Variants in TTN observed in about 807,000 individuals in gnomAD.
TTN encodes the protein titin, also known as connectin.
A neutral mutation model predicts 3,223.0 loss-of-function variants in TTN; 1,525 were observed. The ratio of observed to expected loss-of-function variants is 0.47; its 90% CI spans 0.45 to 0.49. The LOEUF (loss-of-function observed/expected upper bound fraction) is 0.49. Among genes scored for constraint, TTN ranks in the 20% least tolerant of loss-of-function variants. The probability of loss-of-function intolerance (pLI) is 0.00; values close to 1 mark genes in which losing one functional copy is unlikely to be tolerated. For missense variants in TTN, 40,786 were observed against 43,424.0 expected (o/e 0.94, Z 5.40); for synonymous variants, 14,094 against 15,161.0 (o/e 0.93, Z 5.17).
chr2:178,685,638 T>C, intron 127 of TTN, 40 bp from the exon 128 acceptor site: 2 of 1,580,724 alleles, frequency 1.3e-6, no homozygotes, highest in Middle Eastern at 1.7e-4. Flanking sequence ...AATTACAGTG[T>C]TTTTCATGTT....
Position 178,612,919 on chromosome 2 carries a change from A to C in TTN, c.49802T>G (p.Val16601Gly), listed in dbSNP as rs1337504534. The change falls in exon 265 of 363, where the codon GTG becomes GGG. Residue 16601 changes from valine to glycine, a missense_variant. Val to Gly is a moderately radical substitution (Grantham distance 109, BLOSUM62 -3). Transcript: ENST00000589042. ...CTGAGTGGTGGGAACCCCTTCCGCC[A>C]CTCTGACCCACTCATCTGTTCCAGT... ...LKTGTDEWVR[V>G]AEGVPTTQHL... The C allele has an allele frequency of 6.2e-7, 1 of 1,612,532 alleles. No individual in the cohort carries two copies. Among genetic ancestry groups the C allele is most frequent in the Non-Finnish European group, 8.5e-7 (1 of 1,179,210 alleles).
chr2:178,678,385 C>A, intron 144 of TTN, 29 bp downstream of exon 144: 1 of 1,559,894 alleles, frequency 6.4e-7, no homozygotes, highest in South Asian at 1.2e-5. Flanking sequence ...TTTTTTCCCC[C>A]AAGTACTCTA....
chr2:178,717,170 C>T lies in TTN; in HGVS notation c.25564G>A (p.Asp8522Asn), dbSNP rs199619070. 1.6e-4 allele frequency: 260 copies of T among 1,613,618 alleles called. No homozygotes were observed. Among genetic ancestry groups the T allele is most frequent in the Non-Finnish European group, 2.1e-4 (246 of 1,179,658 alleles). The change falls in exon 88 of 363, where the codon GAT becomes AAT. Residue 8522 changes from aspartate (D) to asparagine (N), a missense_variant. By Grantham distance (23) the Asp-to-Asn change is conservative. Coordinates refer to ENST00000589042, the MANE Select transcript of TTN (RefSeq NM_001267550.2). ...TLTVLKVGKG[D>N]AGQYTCYASN... Reference sequence around the variant, plus strand: ...GCATAGCAGGTGTACTGCCCGGCATCGCCTTTGCCTACTTTGAGAACTGTC... The same window carrying T: ...GCATAGCAGGTGTACTGCCCGGCATTGCCTTTGCCTACTTTGAGAACTGTC...
rs79685525 is a variant in TTN at position 178,701,513 on chromosome 2, G to A, written c.30598+15C>T. 535 of 1,608,526 alleles carry A rather than the reference G, an allele frequency of 3.3e-4. 2 individuals are homozygous for A. The African/African-American group carries it at 6.5e-3, about 20-fold the overall frequency. ...TTGCTGCTCCAAGCTCAGATGTTGAGGTTCTGGGTCTTACCTTCTGGTGGC... is the reference window on the plus strand; with the variant it reads ...TTGCTGCTCCAAGCTCAGATGTTGAAGTTCTGGGTCTTACCTTCTGGTGGC... On this transcript the variant is annotated intron_variant, in intron 110 of 362. Transcript: ENST00000589042.
rs762681330 is a variant in TTN, at chr2:178,712,788, G to A, written c.27237C>T (p.Phe9079=). ...LEDSVAELEL[F]DVDTSQSGEY... ...CTCCACTTTGTGATGTATCTACATC[G>A]AACAACTCCAGTTCAGCAACTGAAT... The change falls in exon 94 of 363, where the codon TTC becomes TTT. Residue 9079 remains phenylalanine (F), a synonymous_variant. Transcript: ENST00000589042. The A allele has an allele frequency of 6.8e-6, 11 of 1,613,572 alleles. No individual in the cohort carries two copies. Among genetic ancestry groups the A allele is most frequent in the African/African-American group, 1.3e-5 (1 of 74,876 alleles).
rs1398372843 is a variant in TTN at position 178,595,525 on chromosome 2, C to T, written c.57829G>A (p.Val19277Ile). ...GPFVETSEAL[V>I]IREPITVPER... ...TACTTACTTATTGGCTCTCTGATAACAAGTGCCTCTGATGTCTCAACAAAT... is the reference window on the plus strand; with the variant it reads ...TACTTACTTATTGGCTCTCTGATAATAAGTGCCTCTGATGTCTCAACAAAT... The change falls in exon 295 of 363, where the codon GTT (valine) becomes ATT (isoleucine). Residue 19277 changes from valine (V) to isoleucine (I), a missense_variant. Coordinates refer to ENST00000589042, the MANE Select transcript of TTN (RefSeq NM_001267550.2). The T allele has an allele frequency of 6.4e-7, 1 of 1,557,574 alleles. No homozygotes were observed. Among genetic ancestry groups the T allele is most frequent in the Non-Finnish European group, 8.7e-7 (1 of 1,150,110 alleles).
chr2:178,670,365 G>T, intron 156 of TTN, 70 bp from the exon 157 acceptor site: 6 of 878,188 alleles, frequency 6.8e-6, no homozygotes, highest in Non-Finnish European at 6.4e-6. Flanking sequence ...GAGCATGAGA[G>T]ATATAAACAC....
chr2:178,575,411 T>C lies in TTN; in HGVS notation c.70721A>G (p.Lys23574Arg), dbSNP rs781090352. The C allele has an allele frequency of 6.2e-7, 1 of 1,613,616 alleles. No homozygotes were observed. The highest frequency in any genetic ancestry group is 8.5e-7 in the Non-Finnish European group (1 of 1,179,646). ...ITGYVIEAQRKGSDQWTHITT... is the reference protein window; with the variant it reads ...ITGYVIEAQRRGSDQWTHITT... ...GATGTGGGTCCACTGGTCAGAGCCT[T>C]TTCTTTGGGCTTCAATCACATAGCC... is the stretch of plus-strand genomic sequence containing the variant. Residue 23574 changes from lysine (K) to arginine (R), a missense_variant, in exon 326 of 363, where the codon AAA (lysine) becomes AGA (arginine). Lys to Arg is a conservative substitution (Grantham distance 26). Transcript: ENST00000589042. The surrounding 1 kb of genome is among the most constrained non-coding windows in gnomAD (Gnocchi z 4.0).
chr2:178,733,736 A>G lies in TTN; in HGVS notation c.15653T>C (p.Phe5218Ser). The change falls in exon 53 of 363, where the codon TTT (phenylalanine) becomes TCT (serine). Residue 5218 changes from phenylalanine (F) to serine (S), a missense_variant. Transcript: ENST00000589042. ...IREDGKIKMS[F>S]SNGVAVLIIP... ...TATCAAGACTGCAACACCATTGGAA[A>G]AGCTCATTTTGATTTTTCCGTCTTC... 6.2e-7 allele frequency: 1 copy of G among 1,613,848 alleles called. No individual in the cohort carries two copies. Among genetic ancestry groups the G allele is most frequent in the Non-Finnish European group, 8.5e-7 (1 of 1,179,790 alleles).
In TTN at chr2:178,607,472, T is replaced by A; in HGVS notation, c.53216A>T (p.His17739Leu). ...TGTAGCTGTAATCACATATCTGCCA[T>A]GGTCTTTTCGCAGTGCATCCTTGAT... ...LIIKDALRKDHGRYVITATNS... is the reference protein window; with the variant it reads ...LIIKDALRKDLGRYVITATNS... The change falls in exon 277 of 363, where the codon CAT (histidine) becomes CTT (leucine). Residue 17739 changes from histidine to leucine, a missense_variant. By Grantham distance (99) the His-to-Leu change is moderately conservative. Coordinates refer to ENST00000589042, the MANE Select transcript of TTN (RefSeq NM_001267550.2). The A allele has an allele frequency of 6.2e-7, 1 of 1,613,298 alleles. No homozygotes were observed. The highest frequency in any genetic ancestry group is 8.5e-7 in the Non-Finnish European group (1 of 1,179,432).
At chr2:178,670,163 A>T in intron 157 of TTN, 55 bp downstream of exon 157, 2 of 1,169,902 alleles carry the variant, frequency 1.7e-6, no homozygotes, top group African/African-American at 1.6e-5. Flanking sequence ...TCTCTTACAT[A>T]GTAAGTGAAT....
chr2:178,561,539 C>T lies in TTN; in HGVS notation c.84593G>A (p.Ser28198Asn). The change falls in exon 326 of 363, where the codon AGC becomes AAC. Residue 28198 changes from serine (S) to asparagine (N), a missense_variant. Transcript: ENST00000589042. ...GYHLEYKERS[S>N]ILWSKANKIL... ...TTTATTTGCTTTTGACCAAAGAATGCTGCTTCTTTCTTTATACTCAAGATG... is the reference window on the plus strand; with the variant it reads ...TTTATTTGCTTTTGACCAAAGAATGTTGCTTCTTTCTTTATACTCAAGATG... 6.2e-7 allele frequency: 1 copy of T among 1,613,174 alleles called. No individual in the cohort carries two copies. The highest frequency in any genetic ancestry group is 8.5e-7 in the Non-Finnish European group (1 of 1,179,474).
rs2092962559 is a variant in TTN at position 178,783,704 on chromosome 2, C to T, written c.2841+16G>A. Reference sequence around the variant, plus strand: ...AGATATGAATAGGGTCCAGCATTATCAACTTCTTTACTCACCGAGACCAAA... The same window carrying T: ...AGATATGAATAGGGTCCAGCATTATTAACTTCTTTACTCACCGAGACCAAA... On this transcript the variant is annotated intron_variant, in intron 17 of 362. Coordinates refer to ENST00000589042, the MANE Select transcript of TTN (RefSeq NM_001267550.2). The T allele has an allele frequency of 6.2e-7, 1 of 1,606,646 alleles. No homozygotes were observed. Among genetic ancestry groups the T allele is most frequent in the African/African-American group, 1.3e-5 (1 of 74,586 alleles).
chr2:178,635,380 G>A, intron 227 of TTN, 60 bp downstream of exon 227: 3 of 1,605,786 alleles, frequency 1.9e-6, no homozygotes, highest in African/African-American at 1.3e-5. Context: ...GTTTTGGTGT[G>A]TTATTTGGCT....
Position 178,644,776 on chromosome 2 carries a change from C to G in TTN, c.40409-160G>C, listed in dbSNP as rs989920474. 7 of 520,088 alleles carry G rather than the reference C, an allele frequency of 1.3e-5. No homozygotes were observed. The African/African-American group carries it at 1.4e-4, about 11-fold the overall frequency. The allele number at this position is 520,088 out of a possible 1,614,324, so 32.2% of individuals were successfully genotyped here. ...AAAGAACATACAAGCAGCATTCGAACCATGAAAACAGACTGCAGTTTTACT... is the reference window on the plus strand; with the variant it reads ...AAAGAACATACAAGCAGCATTCGAAGCATGAAAACAGACTGCAGTTTTACT... On this transcript the variant is annotated intron_variant, in intron 217 of 362. Coordinates refer to ENST00000589042, the MANE Select transcript of TTN (RefSeq NM_001267550.2).
chr2:178,640,718 CTA>C, intron 220 of TTN, 88 bp from the exon 221 acceptor site: 1 of 1,095,112 alleles, frequency 9.1e-7, no homozygotes, highest in South Asian at 1.4e-5. Flanking sequence ...TTCAAAAACT[CTA>C]TGGATGGTTT....
At position 178,630,299 on chromosome 2, in the gene TTN, C is replaced by T. The variant is rs368830196; in HGVS notation, c.44223G>A (p.Thr14741=). Residue 14741 remains threonine (T), a synonymous_variant, in exon 239 of 363, where the codon ACG becomes ACA. Coordinates refer to ENST00000589042, the MANE Select transcript of TTN (RefSeq NM_001267550.2). ...LVLHNCRLDQ[T]GGVDFQAANV... is the part of the protein sequence containing the mutation. The stretch of plus-strand genomic sequence containing the variant: ...TGGCAGCTTGGAAATCCACCCCACC[C>T]GTCTGGTCCAGGCGACAGTTGTGCA... 52 of 1,613,042 alleles carry T rather than the reference C, an allele frequency of 3.2e-5. No individual in the cohort carries two copies. The highest frequency in any genetic ancestry group is 4.0e-5 in the Non-Finnish European group (47 of 1,179,460).
Position 178,566,364 on chromosome 2 carries a change from G to A in TTN, c.79768C>T (p.Pro26590Ser), listed in dbSNP as rs767838835. ...TVKPEDKLEAPELDLDSELRK... is the reference protein window; with the variant it reads ...TVKPEDKLEASELDLDSELRK... ...AATTCGGAGTCAAGGTCAAGTTCAG[G>A]TGCTTCAAGTTTATCTTCTGGTTTC... is the stretch of plus-strand genomic sequence containing the variant. Residue 26590 changes from proline to serine, a missense_variant, in exon 326 of 363, where the codon CCT becomes TCT. Pro to Ser is a moderately conservative substitution (Grantham distance 74, BLOSUM62 -1). Transcript: ENST00000589042. The A allele has an allele frequency of 1.4e-5, 22 of 1,613,354 alleles. No homozygotes were observed. The highest frequency in any genetic ancestry group is 1.7e-5 in the Non-Finnish European group (20 of 1,179,666).
chr2:178,547,682 G>T lies in TTN; in HGVS notation c.93944C>A (p.Pro31315His). The change falls in exon 339 of 363, where the codon CCC becomes CAC. Residue 31315 changes from proline to histidine, a missense_variant. By Grantham distance (77) the Pro-to-His change is moderately conservative (BLOSUM62 -2). Transcript: ENST00000589042. ...VIGRPGPVTG[P>H]IEVSSVSAES... ...AGCTGAGACAGATGAGACCTCAATG[G>T]GGCCGGTTACTGGACCTGGCCTTCC... 6.2e-7 allele frequency: 1 copy of T among 1,613,882 alleles called. No homozygotes were observed. Among genetic ancestry groups the T allele is most frequent in the South Asian group, 1.1e-5 (1 of 91,082 alleles).
Sources: gnomAD v4.1 joint callset for allele counts on GRCh38, gnomAD v4.1.1 for gene constraint, Gnocchi (gnomAD v3.1) non-coding constraint, MANE v1.5 for transcripts, NCBI Gene and HGNC (gene_info 2026-07-23, HGNC 2026-07-21) for gene names.